Variants in TMEM132B observed in about 807,000 individuals in gnomAD.
TMEM132B encodes transmembrane protein 132B.
TMEM132B carries 18 observed loss-of-function variants against 90.8 expected under a neutral mutation model. That is an observed-to-expected ratio of 0.20 (90% confidence interval 0.14 to 0.29). TMEM132B has a LOEUF of 0.29. Ranked by LOEUF, TMEM132B falls within the 10% of genes least tolerant of loss-of-function variation. TMEM132B has a pLI of 1.00. For missense variants in TMEM132B, 1,096 were observed against 1,326.8 expected, an observed-to-expected ratio of 0.83 and a Z score of 2.70; for synonymous variants, 504 against 523.3, an observed-to-expected ratio of 0.96 and a Z score of 0.50.
intron 4 of TMEM132B, among the ~76,000 whole-genome samples, chr12:125,533,582 C>T (rs1213752143): frequency 6.6e-6 from 1 of 152,238 alleles, no homozygotes; most frequent in Non-Finnish European, 1.5e-5. Context: ...TGGCATCCGC[C>T]TCTCCTCCGG....
At chr12:125,638,195 G>C (rs1886537097) in intron 5 of TMEM132B, among the ~76,000 whole-genome samples, 1 of 152,152 alleles carries the variant, frequency 6.6e-6, no homozygotes, top group Non-Finnish European at 1.5e-5. Flanking sequence ...CACCAGCTGT[G>C]ATTCCTTAAC....
At chr12:125,534,237 C>G (rs1440082897) in intron 4 of TMEM132B, among the ~76,000 whole-genome samples, 2 of 152,188 alleles carry the variant, frequency 1.3e-5, no homozygotes, top group Non-Finnish European at 2.9e-5. Flanking sequence ...ACCTTGCTGG[C>G]TGGGCACAGT....
chr12:125,286,758 C>T (rs1370553475), intron 1 of TMEM132B, among the ~76,000 whole-genome samples: 4 of 151,904 alleles, frequency 2.6e-5, no homozygotes, highest in Non-Finnish European at 4.4e-5. Context: ...GGCTGGAGTG[C>T]AGTGGGACAA....
chr12:125,505,190 A>AAC (rs1222575947), intron 3 of TMEM132B, among the ~76,000 whole-genome samples: 15 of 144,496 alleles, frequency 1.0e-4, no homozygotes, highest in African/African-American at 3.0e-4. Flanking sequence ...AAAAAAAAAA[A>AAC]AAAAACAGTA....
intron 3 of TMEM132B, among the ~76,000 whole-genome samples, chr12:125,493,800 C>A: frequency 6.7e-6 from 1 of 149,246 alleles, no homozygotes; most frequent in African/African-American, 2.5e-5. Flanking sequence ...TGGGAATGGC[C>A]GTGTCCCTCC....
chr12:125,379,523 T>G (rs1433443506), intron 2 of TMEM132B, among the ~76,000 whole-genome samples: 3 of 152,238 alleles, frequency 2.0e-5, no homozygotes, highest in Non-Finnish European at 4.4e-5. Context: ...GATATTCTCC[T>G]TGGCCCTCCT....
At chr12:125,341,087 G>T (rs1877164793) in intron 1 of TMEM132B, among the ~76,000 whole-genome samples, 1 of 152,210 alleles carries the variant, frequency 6.6e-6, no homozygotes, top group South Asian at 2.1e-4. Flanking sequence ...GTTCCCTTTA[G>T]TCACTGATTA....
chr12:125,435,102 T>C (rs1350468015), intron 3 of TMEM132B, among the ~76,000 whole-genome samples: 1 of 152,010 alleles, frequency 6.6e-6, no homozygotes, highest in Non-Finnish European at 1.5e-5. Flanking sequence ...GAGGAGAAGA[T>C]TGTGACCACT....
At chr12:125,206,090 A>C (rs1873177035) in intron 1 of TMEM132B, among the ~76,000 whole-genome samples, 1 of 152,168 alleles carries the variant, frequency 6.6e-6, no homozygotes, top group Admixed American at 6.5e-5. Flanking sequence ...GCCCGACCCC[A>C]CAGCTAGGAG....
Position 125,246,789 on chromosome 12 carries a change from C to T in TMEM132B, c.67+59923C>T, listed in dbSNP as rs2136098548. On this transcript the variant is annotated intron_variant, in intron 1 of 8. Transcript: ENST00000682704. This position sits in a 1 kb window ranked among gnomAD's most constrained non-coding sequence, Gnocchi z 4.2. The stretch of plus-strand genomic sequence containing the variant: ...CTGTGGACAGAAGTGATGGATTTTG[C>T]AGTCTGGAGGCATCTGTCATTTTGA... Among the ~76,000 whole-genome samples the T allele has an allele frequency of 6.6e-6, 1 of 152,224 alleles. No homozygotes were observed. The highest frequency in any genetic ancestry group is 3.4e-3 in the Middle Eastern group (1 of 294).
chr12:125,210,948 A>C (rs1873304528), intron 1 of TMEM132B, among the ~76,000 whole-genome samples: 1 of 152,058 alleles, frequency 6.6e-6, no homozygotes, highest in Non-Finnish European at 1.5e-5. Context: ...GGGTGACAGA[A>C]CGAAACCCTG....
intron 1 of TMEM132B, among the ~76,000 whole-genome samples, chr12:125,300,368 G>A (rs550099387): frequency 2.0e-5 from 3 of 152,052 alleles, no homozygotes; most frequent in South Asian, 2.1e-4. Context: ...GTTACAGCCC[G>A]ACCACCTGAC....
rs74937516 is a variant in TMEM132B, at chr12:125,388,472, C to T, written c.960-27059C>T. On this transcript the variant is annotated intron_variant, in intron 2 of 8. Transcript: ENST00000682704. ...AAAACAAAACAAAAACCTGTTGTCC[C>T]GTATGGTTTAATTGCCAGCTTCCTT... Among the ~76,000 whole-genome samples the T allele has an allele frequency of 7.0e-3, 1,064 of 152,108 alleles. 14 individuals are homozygous for T. Among genetic ancestry groups the T allele is most frequent in the African/African-American group, 0.024 (987 of 41,486 alleles).
intron 2 of TMEM132B, among the ~76,000 whole-genome samples, chr12:125,389,178 T>C (rs946317514): frequency 6.6e-6 from 1 of 152,178 alleles, no homozygotes; most frequent in Non-Finnish European, 1.5e-5. Flanking sequence ...AATAAATAAG[T>C]AAGCAAATAA....
At chr12:125,630,880 G>C (rs557115851) in intron 5 of TMEM132B, among the ~76,000 whole-genome samples, 1 of 152,100 alleles carries the variant, frequency 6.6e-6, no homozygotes, top group African/African-American at 2.4e-5. Context: ...TAAGGATAAT[G>C]GCCTGCAGAT....
chr12:125,464,299 G>T (rs927404321), intron 3 of TMEM132B, among the ~76,000 whole-genome samples: 4 of 152,124 alleles, frequency 2.6e-5, no homozygotes, highest in African/African-American at 9.7e-5. Context: ...GCTCTGACTC[G>T]GTCTAGAATG....
rs191504396 is a variant in TMEM132B, at chr12:125,252,040, C to A, written c.67+65174C>A. 3.3e-5 allele frequency among the ~76,000 whole-genome samples: 5 copies of A among 152,290 alleles called. No homozygotes were observed. The East Asian group carries it at 9.6e-4, about 29-fold the overall frequency. ...GAGAGTTGTATGTGAAGCCTTCTTA[C>A]AAAGAGGTGGTCTTCCTCTAGTATA... is the stretch of plus-strand genomic sequence containing the variant. On this transcript the variant is annotated intron_variant, in intron 1 of 8. Transcript: ENST00000682704.
rs371881703 is a variant in TMEM132B at position 125,654,290 on chromosome 12, C to A, written c.2832C>A (p.Ile944=). The change falls in exon 9 of 9, where the codon ATC becomes ATA. Residue 944 remains isoleucine (I), a synonymous_variant. Transcript: ENST00000682704. This position sits in a 1 kb window ranked among gnomAD's most constrained non-coding sequence, Gnocchi z 5.8. ...TTGCTGTGAGTGAGCAGGGCAACATCCCCCATTCCCACGACTGGGTCTGGC... is the reference window on the plus strand; with the variant it reads ...TTGCTGTGAGTGAGCAGGGCAACATACCCCATTCCCACGACTGGGTCTGGC... The part of the protein sequence containing the change: ...KRFAVSEQGN[I]PHSHDWVWLG... The A allele has an allele frequency of 6.2e-7, 1 of 1,613,356 alleles. No individual in the cohort carries two copies. The highest frequency in any genetic ancestry group is 8.5e-7 in the Non-Finnish European group (1 of 1,180,052).
intron 1 of TMEM132B, among the ~76,000 whole-genome samples, chr12:125,325,315 T>A (rs998775446): frequency 3.9e-5 from 6 of 152,036 alleles, no homozygotes; most frequent in Non-Finnish European, 5.9e-5. Context: ...TGCATGGCCA[T>A]GGGAGCAGCA....
Sources: gnomAD v4.1 joint callset for allele counts (sites outside exome capture counted in the v4.1 genomes callset) on GRCh38, gnomAD v4.1.1 for gene constraint, Gnocchi (gnomAD v3.1) non-coding constraint, MANE v1.5 for transcripts, NCBI Gene and HGNC (gene_info 2026-07-23, HGNC 2026-07-21) for gene names.